The following KHDRBS2 variants were observed in gnomAD, a reference collection of about 807,000 sequenced individuals.
KHDRBS2 encodes the protein KH RNA binding domain containing, signal transduction associated 2.
Under a neutral mutation model 44.3 loss-of-function variants are expected in KHDRBS2, and 26 were observed. That is an observed-to-expected ratio of 0.59 (90% confidence interval 0.43 to 0.81). The LOEUF is 0.81. KHDRBS2 is among the 40% of genes least tolerant of loss of function. KHDRBS2 has a pLI of 0.00. For synonymous variants in KHDRBS2, 194 were observed against 151.1 expected (o/e 1.28, Z -2.08); for missense variants, 476 against 433.1 (o/e 1.10, Z -0.88).
chr6:61,920,289 T>G (rs1460993507), intron 4 of KHDRBS2, among the ~76,000 whole-genome samples: 1 of 151,860 alleles, frequency 6.6e-6, no homozygotes, highest in Non-Finnish European at 1.5e-5. Flanking sequence ...GGGCCTAAAT[T>G]TACATATCAT....
the KHDRBS2 span, among the ~76,000 whole-genome samples, chr6:61,662,508 G>C: frequency 3.3e-5 from 5 of 152,014 alleles, no homozygotes; most frequent in Non-Finnish European, 5.9e-5. Context: ...ATCTGACTAA[G>C]GGCTAATATC....
intron 6 of KHDRBS2, among the ~76,000 whole-genome samples, chr6:61,827,535 A>G (rs1369297426): frequency 6.6e-6 from 1 of 152,208 alleles, no homozygotes; most frequent in Non-Finnish European, 1.5e-5. Flanking sequence ...TTTAAGACAT[A>G]GTTCCTTGGA....
intron 6 of KHDRBS2, among the ~76,000 whole-genome samples, chr6:61,832,569 T>C (rs1164274643): frequency 6.6e-6 from 1 of 152,016 alleles, no homozygotes; most frequent in Admixed American, 6.5e-5. Context: ...ACTAAAATGA[T>C]TGCTGGGAGG....
intron 1 of KHDRBS2, among the ~76,000 whole-genome samples, chr6:62,228,675 A>G (rs1250585669): frequency 3.9e-5 from 6 of 151,978 alleles, no homozygotes; most frequent in African/African-American, 1.2e-4. Flanking sequence ...ATTTACTGCT[A>G]TAAATTTCCC....
chr6:61,611,840 T>A, the KHDRBS2 span, among the ~76,000 whole-genome samples: 6 of 152,202 alleles, frequency 3.9e-5, no homozygotes, highest in Admixed American at 3.9e-4. Flanking sequence ...TATTCCTCCC[T>A]CTCTAGTAGT....
intron 7 of KHDRBS2, 47 bp from the exon 8 acceptor site, chr6:61,697,300 T>G: frequency 8.2e-7 from 1 of 1,218,362 alleles, no homozygotes; most frequent in South Asian, 1.2e-5. Context: ...ACCAGGAAAT[T>G]CAACCCAGAA....
intron 2 of KHDRBS2, among the ~76,000 whole-genome samples, chr6:62,065,722 A>T (rs1382999248): frequency 6.6e-6 from 1 of 150,690 alleles, no homozygotes; most frequent in African/African-American, 2.4e-5. Context: ...AGCATGGCAC[A>T]TGTATACATA....
rs150331212 is a variant in KHDRBS2, at chr6:61,853,466, A to G, written c.810+41169T>C. Among the ~76,000 whole-genome samples the G allele has an allele frequency of 1.5e-3, 224 of 152,320 alleles. 1 individual carries two copies. The highest frequency in any genetic ancestry group is 5.2e-3 in the African/African-American group (216 of 41,586). On this transcript the variant is annotated intron_variant, in intron 6 of 8. Transcript: ENST00000281156. ...AAAACCTAGGCATAAAAAAAAGACT[A>G]GAAGGAAATGTACTAAAATCTTAAT...
At chr6:61,744,439 G>T (rs1415147516) in intron 6 of KHDRBS2, among the ~76,000 whole-genome samples, 1 of 152,086 alleles carries the variant, frequency 6.6e-6, no homozygotes, top group Non-Finnish European at 1.5e-5. Context: ...AGCTGCAAGT[G>T]CAGTCCTGAT....
chr6:61,658,776 T>C, the KHDRBS2 span, among the ~76,000 whole-genome samples: 2 of 151,974 alleles, frequency 1.3e-5, no homozygotes, highest in African/African-American at 2.4e-5. Flanking sequence ...TGTGGATTTA[T>C]ATTCTTGTAT....
chr6:61,756,327 G>T (rs1489469289), intron 6 of KHDRBS2, among the ~76,000 whole-genome samples: 1 of 151,914 alleles, frequency 6.6e-6, no homozygotes, highest in African/African-American at 2.4e-5. Context: ...CACGATCTTG[G>T]CTCACTGTAA....
At chr6:61,562,088 G>A in the KHDRBS2 span, among the ~76,000 whole-genome samples, 1 of 152,054 alleles carries the variant, frequency 6.6e-6, no homozygotes, top group Non-Finnish European at 1.5e-5. Context: ...ATAAAATTCT[G>A]ACAACATAAT....
At chr6:61,667,065 T>G in the KHDRBS2 span, among the ~76,000 whole-genome samples, 17 of 150,770 alleles carry the variant, frequency 1.1e-4, no homozygotes, top group African/African-American at 4.1e-4. Flanking sequence ...TTCTGGCTTT[T>G]GCAAACCAAA....
At chr6:62,161,744 T>G (rs1468743905) in intron 2 of KHDRBS2, among the ~76,000 whole-genome samples, 2 of 152,042 alleles carry the variant, frequency 1.3e-5, no homozygotes, top group Non-Finnish European at 2.9e-5. Flanking sequence ...TTCATTTTTT[T>G]TGTAGTGAAG....
chr6:62,068,679 G>A (rs1046811227), intron 2 of KHDRBS2, among the ~76,000 whole-genome samples: 30 of 151,690 alleles, frequency 2.0e-4, no homozygotes, highest in African/African-American at 7.0e-4. Context: ...GGTGCATGGT[G>A]TGAGGTAGTG....
At chr6:62,184,768 T>C (rs1345348220) in intron 1 of KHDRBS2, among the ~76,000 whole-genome samples, 1 of 151,914 alleles carries the variant, frequency 6.6e-6, no homozygotes, top group Admixed American at 6.6e-5. Flanking sequence ...CTTTTTCTTT[T>C]CATCATATTT....
At chr6:62,209,894 C>T (rs1367711029) in intron 1 of KHDRBS2, among the ~76,000 whole-genome samples, 3 of 152,234 alleles carry the variant, frequency 2.0e-5, no homozygotes, top group East Asian at 3.9e-4. Context: ...AGCTCTCAAG[C>T]CTTTGACCAC....
intron 8 of KHDRBS2, among the ~76,000 whole-genome samples, chr6:61,684,794 A>G (rs1238107169): frequency 6.6e-6 from 1 of 151,778 alleles, no homozygotes; most frequent in Non-Finnish European, 1.5e-5. Context: ...ATCTGAAAAT[A>G]GCAAATCAGG....
chr6:62,153,736 C>T (rs1021899177), intron 2 of KHDRBS2, among the ~76,000 whole-genome samples: 1 of 152,104 alleles, frequency 6.6e-6, no homozygotes, highest in Admixed American at 6.5e-5. Flanking sequence ...TCACTCAATC[C>T]TACTGCCTTT....
Sources: allele counts gnomAD v4.1 joint callset (sites outside exome capture counted in the v4.1 genomes callset), GRCh38; gene constraint gnomAD v4.1.1; transcripts MANE v1.5; gene names NCBI Gene and HGNC (gene_info 2026-07-23, HGNC 2026-07-21).